EDEM1: variants seen among roughly 807,000 people sequenced by gnomAD.
The protein encoded by EDEM1 is ER degradation-enhancing alpha-mannosidase-like protein 1.
A neutral mutation model predicts 74.4 loss-of-function variants in EDEM1; 67 were observed. The observed-to-expected ratio is 0.90, with a 90% CI of 0.74 to 1.10. The LOEUF is 1.10. Among genes scored for constraint, EDEM1 ranks in the 50% least tolerant of loss-of-function variants. The pLI is 0.00. For synonymous variants in EDEM1, 382 were observed against 335.9 expected (o/e 1.14, Z -1.50); for missense variants, 926 against 851.6 (o/e 1.09, Z -1.09).
rs1051718031 is a variant in EDEM1, at chr3:5,219,677, G to T, written c.*3759G>T. 6.6e-6 allele frequency: 1 copy of T among 152,524 alleles called. No individual in the cohort carries two copies. Among genetic ancestry groups the T allele is most frequent in the Non-Finnish European group, 1.5e-5 (1 of 68,024 alleles). 9.4% of individuals were successfully genotyped at this position (152,524 alleles called of 1,614,324 possible). A position where few individuals can be genotyped will look rare whatever the true frequency, so the allele number is the denominator to read the frequency against. On this transcript the variant is annotated 3_prime_UTR_variant, in exon 12 of 12. Transcript: ENST00000256497. ...CACAAGCTGCATTTTTATTTATTTT[G>T]CATAAGAAAGGTAAATCTTTTTACA...
intron 4 of EDEM1, 25 bp from the exon 5 acceptor site, chr3:5,202,941 A>T (rs748689418): frequency 1.4e-5 from 22 of 1,604,192 alleles, no homozygotes; most frequent in Admixed American, 3.4e-5. Flanking sequence ...GTTTTGTCAC[A>T]GTCTTTGTCT....
intron 1 of EDEM1, among the ~76,000 whole-genome samples, chr3:5,193,063 G>T (rs1370731852): frequency 6.6e-6 from 1 of 152,148 alleles, no homozygotes; most frequent in Non-Finnish European, 1.5e-5. Context: ...AGTGCTCACA[G>T]TGAGTACCTT....
At chr3:5,200,403 C>CTTA (rs1397012445) in intron 3 of EDEM1, among the ~76,000 whole-genome samples, 1 of 152,230 alleles carries the variant, frequency 6.6e-6, no homozygotes, top group East Asian at 1.9e-4. Flanking sequence ...AAAATCACTG[C>CTTA]TTACCATTTT....
At chr3:5,207,349 T>C (rs745910089) in intron 7 of EDEM1, 76 bp downstream of exon 7, 13 of 1,576,828 alleles carry the variant, frequency 8.2e-6, no homozygotes, top group African/African-American at 1.4e-5. Context: ...TCTTTTTTAA[T>C]ACCCTGAGCA....
rs775195887 is a variant in EDEM1, at chr3:5,203,092, GC to G, written c.987del (p.Arg330AspfsTer4). The G allele has an allele frequency of 6.2e-7, 1 of 1,611,308 alleles. No individual in the cohort carries two copies. The highest frequency in any genetic ancestry group is 8.5e-7 in the Non-Finnish European group (1 of 1,178,874). On this transcript the variant is annotated frameshift_variant, in exon 5 of 12. Transcript: ENST00000256497. LOFTEE classifies it high-confidence loss of function. ...GGGGGACTCCACATTTGAGTGGGTG[GC>G]CAGACGAGCAGTGAAAGCCCTTTGG... is the stretch of plus-strand genomic sequence containing the variant. ...LLGDSTFEWV[A>X]RRAVKALWNL...
chr3:5,215,296 G>A (rs571735004), intron 11 of EDEM1, among the ~76,000 whole-genome samples: 1 of 149,554 alleles, frequency 6.7e-6, no homozygotes, highest in Non-Finnish European at 1.5e-5. Context: ...AGTGGTGGGG[G>A]TGGGGGGGTT....
rs2055273606 is a variant in EDEM1 at position 5,218,727 on chromosome 3, T to C, written c.*2809T>C. On this transcript the variant is annotated 3_prime_UTR_variant, in exon 12 of 12. Coordinates refer to ENST00000256497, the MANE Select transcript of EDEM1 (RefSeq NM_014674.3). ...AATCATTACAGTAGCTTAGCTACTT[T>C]AGTTGATGTGACCGAGGAATCCCTT... 6.6e-6 allele frequency: 1 copy of C among 152,176 alleles called. No homozygotes were observed. Among genetic ancestry groups the C allele is most frequent in the East Asian group, 1.9e-4 (1 of 5,202 alleles). The allele number at this position is 152,176 out of a possible 1,614,324, so 9.4% of individuals were successfully genotyped here. A position where few individuals can be genotyped will look rare whatever the true frequency, so the allele number is the denominator to read the frequency against.
At chr3:5,213,543 G>T (rs760060500) in intron 11 of EDEM1, 21 bp downstream of exon 11, 128 of 1,588,638 alleles carry the variant, frequency 8.1e-5, no homozygotes, top group Non-Finnish European at 1.0e-4. Context: ...TTTTCCAGGG[G>T]TGATTTGCAT....
intron 3 of EDEM1, among the ~76,000 whole-genome samples, chr3:5,201,365 G>T (rs941751488): frequency 1.3e-5 from 2 of 151,976 alleles, no homozygotes; most frequent in South Asian, 2.1e-4. Flanking sequence ...TTGTTGCCCA[G>T]GCTAGTCTTG....
chr3:5,213,766 A>AGGG (rs1275792365), intron 11 of EDEM1, among the ~76,000 whole-genome samples: 1 of 152,110 alleles, frequency 6.6e-6, no homozygotes, highest in Non-Finnish European at 1.5e-5. Flanking sequence ...GGATCCTGGA[A>AGGG]GGGGGGAGCC....
At position 5,188,112 on chromosome 3, in the gene EDEM1, G is replaced by C; in HGVS notation, c.307G>C (p.Val103Leu). The change falls in exon 1 of 12, where the codon GTG (valine) becomes CTG (leucine). Residue 103 changes from valine (V) to leucine (L), a missense_variant. By Grantham distance (32) the Val-to-Leu change is conservative. Coordinates refer to ENST00000256497, the MANE Select transcript of EDEM1 (RefSeq NM_014674.3). ...GMCGPANWGY[V>L]LGGRGRGPDE... ...GTGCGGCCCAGCCAACTGGGGCTAC[G>C]TGCTGGGCGGCCGGGGCCGCGGCCC... The C allele has an allele frequency of 1.3e-6, 2 of 1,520,610 alleles. No homozygotes were observed. Among genetic ancestry groups the C allele is most frequent in the Non-Finnish European group, 1.8e-6 (2 of 1,133,708 alleles). The allele number at this position is 1,520,610 out of a possible 1,614,324, so 94.2% of individuals were successfully genotyped here.
At chr3:5,196,731 A>G (rs2054972114) in intron 2 of EDEM1, among the ~76,000 whole-genome samples, 1 of 152,146 alleles carries the variant, frequency 6.6e-6, no homozygotes, top group Admixed American at 6.5e-5. Context: ...GCTCTGTTTC[A>G]GTCATTTACC....
chr3:5,188,689 T>G (rs939536835), intron 1 of EDEM1, among the ~76,000 whole-genome samples: 1 of 152,198 alleles, frequency 6.6e-6, no homozygotes, highest in African/African-American at 2.4e-5. Flanking sequence ...AAACTCTAAA[T>G]GAAATCTCCA....
rs1216009391 is a variant in EDEM1, at chr3:5,188,019, C to T, written c.214C>T (p.Leu72=). 5 of 1,465,772 alleles carry T rather than the reference C, an allele frequency of 3.4e-6. No homozygotes were observed. Among genetic ancestry groups the T allele is most frequent in the South Asian group, 1.4e-5 (1 of 73,252 alleles). The allele number at this position is 1,465,772 out of a possible 1,614,324, so 90.8% of individuals were successfully genotyped here. The change falls in exon 1 of 12, where the codon CTG becomes TTG. Residue 72 remains leucine (L), a synonymous_variant. Coordinates refer to ENST00000256497, the MANE Select transcript of EDEM1 (RefSeq NM_014674.3). Reference sequence around the variant, plus strand: ...TGGGGGGGTATCCGGGCCGTCGTGGCTGCAGCCGCCGGGGACCGGGGCAGC... The same window carrying T: ...TGGGGGGGTATCCGGGCCGTCGTGGTTGCAGCCGCCGGGGACCGGGGCAGC... ...RPGGVSGPSW[L]QPPGTGAAQS... is the part of the protein sequence containing the mutation.
chr3:5,217,390 A>G lies in EDEM1; in HGVS notation c.*1472A>G, dbSNP rs765448898. 6.5e-6 allele frequency: 1 copy of G among 152,678 alleles called. No individual in the cohort carries two copies. Among genetic ancestry groups the G allele is most frequent in the African/African-American group, 2.4e-5 (1 of 41,458 alleles). The allele number at this position is 152,678 out of a possible 1,614,324, so 9.5% of individuals were successfully genotyped here. A position where few individuals can be genotyped will look rare whatever the true frequency, so the allele number is the denominator to read the frequency against. ...AAATCCCTAAAACTTCCAGCCTCAC[A>G]TAGCACGGTTCTCACCTGTCACTGT... On this transcript the variant is annotated 3_prime_UTR_variant, in exon 12 of 12. Transcript: ENST00000256497.
chr3:5,214,044 G>A (rs936190399), intron 11 of EDEM1, among the ~76,000 whole-genome samples: 2 of 152,186 alleles, frequency 1.3e-5, no homozygotes, highest in South Asian at 4.1e-4. Flanking sequence ...TGATGGTCAC[G>A]ATGGTCCCAA....
intron 4 of EDEM1, among the ~76,000 whole-genome samples, chr3:5,202,188 A>G (rs1187133368): frequency 6.6e-6 from 1 of 152,232 alleles, no homozygotes; most frequent in East Asian, 1.9e-4. Flanking sequence ...TGTGAAGTTC[A>G]GTATTCTTAA....
rs2055192614 is a variant in EDEM1, at chr3:5,213,468, GTC to G, written c.1832_1833del (p.Ser611CysfsTer8). On this transcript the variant is annotated frameshift_variant, in exon 11 of 12. Transcript: ENST00000256497. LOFTEE classifies it high-confidence loss of function. ...EEGGQDQGGK[S>X]VHRPKPHELK... ...AGGGAGGGCAGGACCAAGGGGGAAA[GTC>G]TGTGCACAGGCCGAAACCTCATGAG... 6.2e-7 allele frequency: 1 copy of G among 1,614,078 alleles called. No individual in the cohort carries two copies. Among genetic ancestry groups the G allele is most frequent in the Non-Finnish European group, 8.5e-7 (1 of 1,179,944 alleles).
At chr3:5,188,441 T>C in intron 1 of EDEM1, 127 bp downstream of exon 1, 2 of 1,098,434 alleles carry the variant, frequency 1.8e-6, no homozygotes, top group East Asian at 6.7e-5. Context: ...CGGGCAGCGC[T>C]CCCGCGCCCT....
Sources: allele counts gnomAD v4.1 joint callset (sites outside exome capture counted in the v4.1 genomes callset), GRCh38; gene constraint gnomAD v4.1.1; transcripts MANE v1.5; gene names NCBI Gene and HGNC (gene_info 2026-07-23, HGNC 2026-07-21).